SMC6: variants seen among roughly 807,000 people sequenced by gnomAD.
SMC6 encodes structural maintenance of chromosomes 6, also known as structural maintenance of chromosomes protein 6.
SMC6 carries 79 observed loss-of-function variants against 142.2 expected under a neutral mutation model. That is an observed-to-expected ratio of 0.56 (90% CI 0.46 to 0.67). The LOEUF is 0.67. Among genes scored for constraint, SMC6 ranks in the 30% least tolerant of loss-of-function variants. The pLI is 0.00. For synonymous variants in SMC6, 411 were observed against 412.4 expected (o/e 1.00, Z 0.04); for missense variants, 1,072 against 1,284.0 (o/e 0.83, Z 2.52).
intron 26 of SMC6, among the ~76,000 whole-genome samples, chr2:17,667,077 T>A (rs1666532354): frequency 6.6e-6 from 1 of 152,198 alleles, no homozygotes; most frequent in South Asian, 2.1e-4. Flanking sequence ...CACAGCCCCC[T>A]CCCTCAAATA....
rs139574085 is a variant in SMC6 at position 17,728,311 on chromosome 2, C to T, written c.544-1842G>A. ...ATTAGCCGGGTGTAATGGTACCCGC[C>T]TGTAGTACCAGCTCTCAGGAGGCTG... On this transcript the variant is annotated intron_variant, in intron 7 of 27. Coordinates refer to ENST00000448223, the MANE Select transcript of SMC6 (RefSeq NM_001142286.2). 3.3e-5 allele frequency among the ~76,000 whole-genome samples: 5 copies of T among 152,228 alleles called. No homozygotes were observed. In the East Asian group the frequency reaches 9.7e-4, roughly 29 times the overall value.
At chr2:17,699,674 G>A (rs991765306) in intron 21 of SMC6, among the ~76,000 whole-genome samples, 1 of 151,300 alleles carries the variant, frequency 6.6e-6, no homozygotes. Context: ...TTTCTCTGTT[G>A]ATCAGATTTA....
chr2:17,731,971 TA>T, intron 5 of SMC6, 94 bp from the exon 6 acceptor site: 1 of 1,349,636 alleles, frequency 7.4e-7, no homozygotes, highest in Non-Finnish European at 1.0e-6. Flanking sequence ...AACCACCAAA[TA>T]ATTTGGCCAA....
chr2:17,743,980 T>A (rs184955530), intron 3 of SMC6, among the ~76,000 whole-genome samples: 1 of 152,340 alleles, frequency 6.6e-6, no homozygotes, highest in East Asian at 1.9e-4. Flanking sequence ...ATTTATCTAC[T>A]GAAGGACATT....
intron 21 of SMC6, among the ~76,000 whole-genome samples, chr2:17,696,821 T>G (rs1171467232): frequency 2.0e-5 from 3 of 152,158 alleles, no homozygotes; most frequent in Non-Finnish European, 2.9e-5. Context: ...GCTGATTTAT[T>G]TAGTCACATC....
In SMC6 at chr2:17,715,000, G is replaced by A; in HGVS notation, c.1591C>T (p.Leu531=). ...LAIESCLKGL[L]QAYCCHNHAD... ...TGATTATGGCAACAATAGGCCTGCA[G>A]AAGCCCTTTTAAGCAAGATTCAATA... The change falls in exon 16 of 28, where the codon CTG becomes TTG. Residue 531 remains leucine, a synonymous_variant. Transcript: ENST00000448223. The A allele has an allele frequency of 6.2e-7, 1 of 1,614,020 alleles. No individual in the cohort carries two copies. The highest frequency in any genetic ancestry group is 8.5e-7 in the Non-Finnish European group (1 of 1,179,944).
At chr2:17,685,532 C>A (rs1411163003) in intron 23 of SMC6, among the ~76,000 whole-genome samples, 1 of 152,048 alleles carries the variant, frequency 6.6e-6, no homozygotes, top group African/African-American at 2.4e-5. Flanking sequence ...GAACAAACAA[C>A]TTTTCAAATG....
rs915744602 is a variant in SMC6, at chr2:17,730,990, C to T, written c.543+88G>A. The T allele has an allele frequency of 9.9e-5, 92 of 932,816 alleles. No homozygotes were observed. The African/African-American group carries it at 1.0e-3, about 10-fold the overall frequency. 57.8% of individuals were successfully genotyped at this position (932,816 alleles called of 1,614,324 possible). A position where few individuals can be genotyped will look rare whatever the true frequency, so the allele number is the denominator to read the frequency against. On this transcript the variant is annotated intron_variant, in intron 7 of 27. Coordinates refer to ENST00000448223, the MANE Select transcript of SMC6 (RefSeq NM_001142286.2). ...CTGTGGTCAGTTTACTCATATGAGG[C>T]CATTTAAATTTTTTCTACACAAGTG...
chr2:17,707,314 A>G lies in SMC6; in HGVS notation c.1911T>C (p.Phe637=). The G allele has an allele frequency of 6.2e-7, 1 of 1,604,136 alleles. No individual in the cohort carries two copies. The highest frequency in any genetic ancestry group is 8.5e-7 in the Non-Finnish European group (1 of 1,175,658). Residue 637 remains phenylalanine, a synonymous_variant, in exon 18 of 28, where the codon TTT becomes TTC. Coordinates refer to ENST00000448223, the MANE Select transcript of SMC6 (RefSeq NM_001142286.2). ...CAAAAACTTGATCACCATCAGCAGT[A>G]AAAGCTTCTCTACAATTTTTGGGTG... The part of the protein sequence containing the change: ...QKPPKNCREA[F]TADGDQVFAG...
chr2:17,683,695 ATAAACTTTTT>A lies in SMC6; in HGVS notation c.2737_2746del (p.Lys913LeufsTer22). 1 of 1,612,414 alleles carries A rather than the reference ATAAACTTTTT, an allele frequency of 6.2e-7. No individual in the cohort carries two copies. The highest frequency in any genetic ancestry group is 8.5e-7 in the Non-Finnish European group (1 of 1,178,680). On this transcript the variant is annotated frameshift_variant, in exon 24 of 28. Coordinates refer to ENST00000448223, the MANE Select transcript of SMC6 (RefSeq NM_001142286.2). LOFTEE classifies it high-confidence loss of function. ...CTCCATGATTTCTCCCAGTAATTTA[ATAAACTTTTT>A]TAAAGTCCTCACTTTACTATCCAGA...
At chr2:17,749,985 T>C (rs1670946401) in intron 2 of SMC6, among the ~76,000 whole-genome samples, 1 of 152,224 alleles carries the variant, frequency 6.6e-6, no homozygotes, top group Non-Finnish European at 1.5e-5. Context: ...CAGACATTTA[T>C]TCTATGGTAA....
chr2:17,720,152 T>C (rs1387367071), intron 11 of SMC6, among the ~76,000 whole-genome samples: 1 of 152,202 alleles, frequency 6.6e-6, no homozygotes, highest in Non-Finnish European at 1.5e-5. Context: ...AATTATACAC[T>C]TTAAATGGGT....
chr2:17,695,550 T>A (rs1485522466), intron 22 of SMC6, among the ~76,000 whole-genome samples: 1 of 152,158 alleles, frequency 6.6e-6, no homozygotes, highest in African/African-American at 2.4e-5. Context: ...AACTTCCTAG[T>A]GAAACAAATT....
At chr2:17,667,394 G>T (rs751733868) in intron 26 of SMC6, among the ~76,000 whole-genome samples, 1 of 152,250 alleles carries the variant, frequency 6.6e-6, no homozygotes, top group African/African-American at 2.4e-5. Flanking sequence ...ATAATGCTTC[G>T]TTATAATAGG....
At chr2:17,692,980 G>C (rs1362852142) in intron 23 of SMC6, among the ~76,000 whole-genome samples, 1 of 152,208 alleles carries the variant, frequency 6.6e-6, no homozygotes, top group African/African-American at 2.4e-5. Flanking sequence ...GGCCATCAGA[G>C]AAATGCAAAT....
At chr2:17,726,258 G>T (rs1669620273) in intron 8 of SMC6, 131 bp downstream of exon 8, 4 of 498,264 alleles carry the variant, frequency 8.0e-6, no homozygotes, top group African/African-American at 2.9e-5. Context: ...CTAGGAAATT[G>T]AATTACTTTA....
In SMC6 at chr2:17,701,862, T is replaced by C; in HGVS notation, c.2190A>G (p.Ile730Met). The change falls in exon 20 of 28, where the codon ATA (isoleucine) becomes ATG (methionine). Residue 730 changes from isoleucine to methionine, a missense_variant. Ile to Met is a conservative substitution (Grantham distance 10). Around this residue, in one of 3 missense-constraint regions of SMC6, gnomAD observed 994 missense variants for 1,153.2 expected, o/e 0.86. Transcript: ENST00000448223. The part of the protein sequence containing the change: ...NISEIRELEN[I>M]EEHQSVDIAT... The stretch of plus-strand genomic sequence containing the variant: ...CAATATCTACAGACTGGTGTTCTTC[T>C]ATGTTCTCAAGTTCCCGAATTTCAG... The C allele has an allele frequency of 1.3e-6, 2 of 1,584,614 alleles. No homozygotes were observed. The highest frequency in any genetic ancestry group is 8.6e-7 in the Non-Finnish European group (1 of 1,163,452).
In SMC6 at chr2:17,705,251, C is replaced by T. The variant is rs551001441; in HGVS notation, c.2007-1959G>A. ...CCAGCCTGATCGACAGAGTGAGACC[C>T]TGTCTCAAAAAAATAAAATTAAAAT... On this transcript the variant is annotated intron_variant, in intron 18 of 27. Coordinates refer to ENST00000448223, the MANE Select transcript of SMC6 (RefSeq NM_001142286.2). 5.1e-4 allele frequency among the ~76,000 whole-genome samples: 77 copies of T among 151,898 alleles called. 1 individual carries two copies. Among genetic ancestry groups the T allele is most frequent in the African/African-American group, 1.8e-3 (76 of 41,398 alleles).
intron 18 of SMC6, among the ~76,000 whole-genome samples, chr2:17,706,009 T>C (rs992018084): frequency 2.0e-5 from 3 of 152,186 alleles, no homozygotes; most frequent in Non-Finnish European, 2.9e-5. Context: ...ATTTATAGTC[T>C]ATCTTCCCCT....
Sources: gnomAD v4.1 joint callset for allele counts (sites outside exome capture counted in the v4.1 genomes callset) on GRCh38, gnomAD v4.1.1 for gene constraint, gnomAD v4.1.1 regional missense constraint, MANE v1.5 for transcripts, NCBI Gene and HGNC (gene_info 2026-07-23, HGNC 2026-07-21) for gene names.